Variants in RASGRF1 observed in about 807,000 individuals in gnomAD.
The protein encoded by RASGRF1 is Ras protein specific guanine nucleotide releasing factor 1.
Under a neutral mutation model 138.7 loss-of-function variants are expected in RASGRF1, and 40 were observed. The observed-to-expected ratio is 0.29, with a 90% confidence interval of 0.22 to 0.38. The LOEUF (loss-of-function observed/expected upper bound fraction) is 0.38, where lower values mean the gene tolerates loss of function less well. Ranked by LOEUF, RASGRF1 falls within the 10% of genes least tolerant of loss-of-function variation. RASGRF1 has a pLI of 1.00. For synonymous variants in RASGRF1, 614 were observed against 663.2 expected (o/e 0.93, Z 1.14); for missense variants, 1,108 against 1,650.4 (o/e 0.67, Z 5.69).
intron 15 of RASGRF1, among the ~76,000 whole-genome samples, chr15:79,002,237 C>T (rs760545441): frequency 6.6e-6 from 1 of 152,074 alleles, no homozygotes; most frequent in Non-Finnish European, 1.5e-5. Context: ...CTGCTTTTAA[C>T]CTATTGCCGC....
At chr15:79,015,228 G>T in intron 13 of RASGRF1, 99 bp downstream of exon 13, 1 of 1,208,574 alleles carries the variant, frequency 8.3e-7, no homozygotes, top group Non-Finnish European at 1.2e-6. Context: ...CAGCATCTCT[G>T]AACCCCAGTA....
chr15:79,072,329 G>A (rs972899934), intron 1 of RASGRF1, among the ~76,000 whole-genome samples: 19 of 129,364 alleles, frequency 1.5e-4, no homozygotes, highest in Non-Finnish European at 3.1e-5. Context: ...AGGCTGGAGT[G>A]CAGTGGCATG....
chr15:79,032,309 T>C lies in RASGRF1; in HGVS notation c.966A>G (p.Leu322=), dbSNP rs549434431. 2.1e-5 allele frequency: 34 copies of C among 1,613,746 alleles called. No individual in the cohort carries two copies. Among genetic ancestry groups the C allele is most frequent in the Admixed American group, 1.0e-4 (6 of 59,992 alleles). ...SSWPTLVLAD[L]FDILLPMLNI... ...TGAGCATGGGCAGCAGGATGTCAAA[T>C]AGGTCAGCTGGAAGGACGAGGCAGT... The change falls in exon 7 of 27, where the codon CTA becomes CTG. Residue 322 remains leucine, a synonymous_variant. Coordinates refer to ENST00000558480, the MANE Select transcript of RASGRF1 (RefSeq NM_001145648.3). This position sits in a 1 kb window ranked among gnomAD's most constrained non-coding sequence, Gnocchi z 4.5.
chr15:79,014,961 C>G (rs546904328), intron 13 of RASGRF1, among the ~76,000 whole-genome samples: 1 of 149,196 alleles, frequency 6.7e-6, no homozygotes, highest in African/African-American at 2.5e-5. Flanking sequence ...ACAAACAAAA[C>G]AAAACAAAAC....
intron 21 of RASGRF1, among the ~76,000 whole-genome samples, chr15:78,990,925 G>A (rs1240931509): frequency 6.6e-6 from 1 of 152,186 alleles, no homozygotes; most frequent in African/African-American, 2.4e-5. Context: ...CTATTTACAC[G>A]AGGCAGCACC....
At chr15:79,059,477 C>A (rs1358396158) in intron 2 of RASGRF1, among the ~76,000 whole-genome samples, 1 of 151,088 alleles carries the variant, frequency 6.6e-6, no homozygotes, top group Non-Finnish European at 1.5e-5. Context: ...CAGGTGCAAT[C>A]TTTACAGACT....
intron 2 of RASGRF1, among the ~76,000 whole-genome samples, chr15:79,061,424 A>ATG (rs2057604572): frequency 1.4e-5 from 2 of 146,612 alleles, no homozygotes; most frequent in Admixed American, 6.9e-5. Flanking sequence ...ATATATATAT[A>ATG]TATATATCAT....
rs140636764 is a variant in RASGRF1 at position 79,032,156 on chromosome 15, C to A, written c.1119G>T (p.Thr373=). The A allele has an allele frequency of 8.7e-6, 14 of 1,613,882 alleles. No homozygotes were observed. The African/African-American group carries it at 1.2e-4, about 14-fold the overall frequency. Residue 373 remains threonine (T), a synonymous_variant, in exon 7 of 27, where the codon ACG becomes ACT. Coordinates refer to ENST00000558480, the MANE Select transcript of RASGRF1 (RefSeq NM_001145648.3). The surrounding 1 kb of genome is among the most constrained non-coding windows in gnomAD (Gnocchi z 4.5). ...TGGGGTAGGTGAGGAAGGTCTCCAGCGTCCTCTCCTCGCAGTCAGGCTTGG... is the reference window on the plus strand; with the variant it reads ...TGGGGTAGGTGAGGAAGGTCTCCAGAGTCCTCTCCTCGCAGTCAGGCTTGG... ...YEAKPDCEER[T]LETFLTYPMF...
intron 1 of RASGRF1, among the ~76,000 whole-genome samples, chr15:79,081,397 T>G (rs549497362): frequency 9.8e-5 from 15 of 152,296 alleles, no homozygotes; most frequent in Admixed American, 5.2e-4. Flanking sequence ...GCTTCCTGCC[T>G]CCAGATGGGT....
At chr15:79,003,662 A>C in intron 15 of RASGRF1, 140 bp downstream of exon 15, 2 of 1,324,794 alleles carry the variant, frequency 1.5e-6, no homozygotes, top group Non-Finnish European at 2.0e-6. Flanking sequence ...TGCCTCCACT[A>C]TCTGCCTGGT....
At chr15:78,990,440 T>C (rs1211242696) in intron 21 of RASGRF1, among the ~76,000 whole-genome samples, 167 bp from the exon 22 acceptor site, 1 of 152,238 alleles carries the variant, frequency 6.6e-6, no homozygotes, top group Non-Finnish European at 1.5e-5. Flanking sequence ...CAAGTCCAGC[T>C]CTGCCTTGTC....
intron 4 of RASGRF1, 77 bp from the exon 5 acceptor site, chr15:79,047,076 C>T: frequency 6.5e-7 from 1 of 1,547,352 alleles, no homozygotes; most frequent in Non-Finnish European, 8.7e-7. Flanking sequence ...CTGTGAGCTC[C>T]CCAAGGGTAG....
chr15:79,046,718 G>C lies in RASGRF1; in HGVS notation c.878+28C>G. 6.2e-7 allele frequency: 1 copy of C among 1,610,524 alleles called. No individual in the cohort carries two copies. The highest frequency in any genetic ancestry group is 2.2e-5 in the East Asian group (1 of 44,756). On this transcript the variant is annotated intron_variant, in intron 5 of 26. Coordinates refer to ENST00000558480, the MANE Select transcript of RASGRF1 (RefSeq NM_001145648.3). This position sits in a 1 kb window ranked among gnomAD's most constrained non-coding sequence, Gnocchi z 5.3. Reference sequence around the variant, plus strand: ...GCCAATGCTCACTAGTCTCCTTCCTGCCTTGGCCAACCTTTAGGGGTGCTC... The same window carrying C: ...GCCAATGCTCACTAGTCTCCTTCCTCCCTTGGCCAACCTTTAGGGGTGCTC...
In RASGRF1 at chr15:78,976,754, C is replaced by A. The variant is rs556820280; in HGVS notation, c.3495-3334G>T. On this transcript the variant is annotated intron_variant, in intron 24 of 26. Transcript: ENST00000558480. ...TTCCTGCAGGCAAGACACCCAACAA[C>A]AGGCAAGTCCTGAACCTTCCATATT... Among the ~76,000 whole-genome samples, 4 of 152,352 alleles carry A rather than the reference C, an allele frequency of 2.6e-5. No homozygotes were observed. In the South Asian group the frequency reaches 6.2e-4, roughly 24 times the overall value.
chr15:78,995,781 G>A lies in RASGRF1; in HGVS notation c.2986C>T (p.Pro996Ser). The change falls in exon 20 of 27, where the codon CCA becomes TCA. Residue 996 changes from proline to serine, a missense_variant. By Grantham distance (74) the Pro-to-Ser change is moderately conservative. Transcript: ENST00000558480. ...NIIRTLTQED[P>S]GDNQITLEEI... ...TCCAGCGTGATCTGGTTGTCACCTG[G>A]GTCCTCCTGGGTCAGAGTCCTAGGC... 6.2e-7 allele frequency: 1 copy of A among 1,614,096 alleles called. No homozygotes were observed. The highest frequency in any genetic ancestry group is 8.5e-7 in the Non-Finnish European group (1 of 1,180,010).
At chr15:79,042,722 G>A (rs1595932069) in intron 5 of RASGRF1, among the ~76,000 whole-genome samples, 1 of 152,196 alleles carries the variant, frequency 6.6e-6, no homozygotes, top group African/African-American at 2.4e-5. Context: ...CCTGGCTCCA[G>A]CCTCATGGGT....
intron 10 of RASGRF1, among the ~76,000 whole-genome samples, chr15:79,023,997 TAGAC>T: frequency 7.0e-6 from 1 of 143,808 alleles, no homozygotes; most frequent in East Asian, 2.1e-4. Flanking sequence ...ATCTCACACA[TAGAC>T]ACACACAGAT....
chr15:79,087,769 T>C (rs1322380649), intron 1 of RASGRF1, among the ~76,000 whole-genome samples: 1 of 152,232 alleles, frequency 6.6e-6, no homozygotes, highest in Non-Finnish European at 1.5e-5. Flanking sequence ...TACACATGTG[T>C]AGCCGGAAGG....
chr15:78,964,692 T>C (rs1402916102), intron 26 of RASGRF1, among the ~76,000 whole-genome samples: 1 of 152,260 alleles, frequency 6.6e-6, no homozygotes, highest in Non-Finnish European at 1.5e-5. Flanking sequence ...CTGAGTTATG[T>C]TGATACTTTT....
Sources: allele counts gnomAD v4.1 joint callset (sites outside exome capture counted in the v4.1 genomes callset), GRCh38; gene constraint gnomAD v4.1.1; non-coding constraint Gnocchi (gnomAD v3.1); transcripts MANE v1.5; gene names NCBI Gene and HGNC (gene_info 2026-07-23, HGNC 2026-07-21).